Variants in SHC4 observed in about 807,000 individuals in gnomAD.
SHC4 encodes SHC adaptor protein 4.
In SHC4, 41 loss-of-function variants were observed where a neutral mutation model predicts 69.4. That is an observed-to-expected ratio of 0.59 (90% CI 0.46 to 0.77). SHC4 has a LOEUF of 0.77. Ranked by LOEUF, SHC4 falls within the 30% of genes least tolerant of loss-of-function variation. The pLI is 0.00. For synonymous variants in SHC4, 318 were observed against 299.3 expected, an observed-to-expected ratio of 1.06 and a Z score of -0.64; for missense variants, 777 against 783.8, an observed-to-expected ratio of 0.99 and a Z score of 0.10.
intron 10 of SHC4, among the ~76,000 whole-genome samples, chr15:48,841,601 A>T (rs1898989259): frequency 6.6e-6 from 1 of 152,174 alleles, no homozygotes; most frequent in Non-Finnish European, 1.5e-5. Flanking sequence ...ATTTGGGCCC[A>T]ATGTAGGACA....
chr15:48,897,532 A>G (rs2217067), intron 2 of SHC4, among the ~76,000 whole-genome samples: 3 of 133,940 alleles, frequency 2.2e-5, no homozygotes, highest in African/African-American at 5.6e-5. Flanking sequence ...ACACACACAC[A>G]CGCACACACT....
At chr15:48,855,707 A>G (rs1257887569) in intron 8 of SHC4, among the ~76,000 whole-genome samples, 1 of 152,104 alleles carries the variant, frequency 6.6e-6, no homozygotes. Context: ...AGCTGAGGAT[A>G]ACATGTTGGA....
At chr15:48,919,920 C>T (rs902067746) in intron 2 of SHC4, among the ~76,000 whole-genome samples, 1 of 151,638 alleles carries the variant, frequency 6.6e-6, no homozygotes, top group Admixed American at 6.6e-5. Context: ...TTAGACATAA[C>T]TGAATCCTCA....
chr15:48,891,990 G>C (rs1900145561), intron 2 of SHC4, among the ~76,000 whole-genome samples: 1 of 152,104 alleles, frequency 6.6e-6, no homozygotes, highest in South Asian at 2.1e-4. Flanking sequence ...GAGTAGCTGG[G>C]ACAACAGGCG....
chr15:48,856,252 G>A, intron 7 of SHC4, 128 bp from the exon 8 acceptor site: 1 of 849,716 alleles, frequency 1.2e-6, no homozygotes, highest in Non-Finnish European at 1.8e-6. Context: ...TTATAGCTGT[G>A]CTTAAGTGAT....
intron 2 of SHC4, among the ~76,000 whole-genome samples, chr15:48,916,152 G>C (rs1457210109): frequency 6.6e-6 from 1 of 151,944 alleles, no homozygotes; most frequent in Non-Finnish European, 1.5e-5. Flanking sequence ...CTAATATACA[G>C]ATATTTGACC....
intron 5 of SHC4, among the ~76,000 whole-genome samples, chr15:48,868,728 T>C (rs1899609826): frequency 6.6e-6 from 1 of 152,148 alleles, no homozygotes. Flanking sequence ...TCAAGGATAA[T>C]CACTTAATAA....
At chr15:48,880,284 TG>T (rs1380368274) in intron 4 of SHC4, 1 of 166,278 alleles carries the variant, frequency 6.0e-6, no homozygotes, top group Admixed American at 6.5e-5. Flanking sequence ...AGACACTAGC[TG>T]GGTTAGGAGG....
At chr15:48,860,372 T>C (rs1215705876) in intron 6 of SHC4, among the ~76,000 whole-genome samples, 1 of 152,004 alleles carries the variant, frequency 6.6e-6, no homozygotes, top group Non-Finnish European at 1.5e-5. Context: ...CTGGGCATGG[T>C]GGCAGGTGCC....
chr15:48,938,189 C>G (rs545026702), intron 1 of SHC4: 1 of 152,272 alleles, frequency 6.6e-6, no homozygotes, highest in South Asian at 2.1e-4. Flanking sequence ...TGACCCTACT[C>G]AGATTAAGAT....
chr15:48,894,269 CT>C (rs955813480), intron 2 of SHC4, among the ~76,000 whole-genome samples: 17 of 152,142 alleles, frequency 1.1e-4, no homozygotes, highest in African/African-American at 3.6e-4. Context: ...GTTTTAGGTG[CT>C]TTTTTTGTGG....
intron 4 of SHC4, among the ~76,000 whole-genome samples, chr15:48,875,275 G>C (rs11631880): frequency 0.37 from 56,714 of 152,098 alleles, 11,525 homozygotes; most frequent in Middle Eastern, 0.54. Flanking sequence ...AGCCTTTGGA[G>C]TTTTTCAAAA....
At chr15:48,852,515 T>G (rs1023185526) in intron 8 of SHC4, among the ~76,000 whole-genome samples, 2 of 151,894 alleles carry the variant, frequency 1.3e-5, no homozygotes, top group Admixed American at 6.6e-5. Context: ...TGTTGGAAAA[T>G]GTGAGAAAAT....
At chr15:48,950,015 T>G (rs1901340713) in intron 1 of SHC4, among the ~76,000 whole-genome samples, 3 of 142,060 alleles carry the variant, frequency 2.1e-5, no homozygotes, top group South Asian at 4.2e-4. Context: ...ATTAAAATAT[T>G]TATTATTAAT....
intron 10 of SHC4, among the ~76,000 whole-genome samples, chr15:48,837,806 A>G (rs935922860): frequency 3.3e-5 from 5 of 152,168 alleles, no homozygotes; most frequent in East Asian, 1.9e-4. Flanking sequence ...TCCACACCCA[A>G]ATGGATCTAA....
chr15:48,848,274 G>C (rs1229460325), intron 9 of SHC4, among the ~76,000 whole-genome samples: 3 of 152,152 alleles, frequency 2.0e-5, no homozygotes, highest in African/African-American at 4.8e-5. Context: ...CCGGAACTCA[G>C]AAATGGCTTT....
At chr15:48,886,845 G>T (rs1363886710) in intron 3 of SHC4, among the ~76,000 whole-genome samples, 1 of 152,152 alleles carries the variant, frequency 6.6e-6, no homozygotes, top group Non-Finnish European at 1.5e-5. Flanking sequence ...GGTCATTATG[G>T]GAATGAGAGG....
intron 9 of SHC4, among the ~76,000 whole-genome samples, chr15:48,850,802 T>C (rs1899196939): frequency 6.6e-6 from 1 of 152,214 alleles, no homozygotes; most frequent in East Asian, 1.9e-4. Flanking sequence ...ATAAAGATTT[T>C]ATCTTAATCC....
intron 2 of SHC4, among the ~76,000 whole-genome samples, chr15:48,909,174 C>G (rs1884997748): frequency 6.6e-6 from 1 of 152,122 alleles, no homozygotes; most frequent in African/African-American, 2.4e-5. Flanking sequence ...TTCTGCCCAT[C>G]CATGAGCATG....
Sources: allele counts gnomAD v4.1 joint callset (sites outside exome capture counted in the v4.1 genomes callset), GRCh38; gene constraint gnomAD v4.1.1; transcripts MANE v1.5; gene names NCBI Gene and HGNC (gene_info 2026-07-23, HGNC 2026-07-21).